USH2A: variants seen among roughly 807,000 people sequenced by gnomAD.
The protein encoded by USH2A is usherin.
Under a neutral mutation model 538.9 loss-of-function variants are expected in USH2A, and 443 were observed. The ratio of observed to expected loss-of-function variants is 0.82; its 90% confidence interval spans 0.76 to 0.89. USH2A has a LOEUF of 0.89. Among genes scored for constraint, USH2A ranks in the 40% least tolerant of loss-of-function variants. The probability of loss-of-function intolerance (pLI) is 0.00; values close to 1 mark genes in which losing one functional copy is unlikely to be tolerated. For synonymous variants in USH2A, 2,413 were observed against 2,273.5 expected, an observed-to-expected ratio of 1.06 and a Z score of -1.75; for missense variants, 6,633 against 6,324.8, an observed-to-expected ratio of 1.05 and a Z score of -1.65.
chr1:216,128,574 C>A (rs932743964), intron 21 of USH2A, among the ~76,000 whole-genome samples: 1 of 152,014 alleles, frequency 6.6e-6, no homozygotes, highest in Non-Finnish European at 1.5e-5. Context: ...TTCTTTTTCT[C>A]GTCAAGTTAA....
chr1:215,654,340 C>T (rs1249532774), intron 64 of USH2A, among the ~76,000 whole-genome samples: 2 of 152,144 alleles, frequency 1.3e-5, no homozygotes, highest in African/African-American at 2.4e-5. Flanking sequence ...CTCTTACAGG[C>T]CCTGGTGTGT....
At chr1:216,270,847 T>C (rs2036560429) in intron 11 of USH2A, among the ~76,000 whole-genome samples, 1 of 152,076 alleles carries the variant, frequency 6.6e-6, no homozygotes, top group Non-Finnish European at 1.5e-5. Flanking sequence ...AGTGCTAGGA[T>C]TACAGGCATG....
At chr1:216,147,295 T>TA (rs573318034) in intron 21 of USH2A, among the ~76,000 whole-genome samples, 409 of 152,200 alleles carry the variant, frequency 2.7e-3, no homozygotes, top group African/African-American at 9.4e-3. Flanking sequence ...ATAATCTTTT[T>TA]ATCACCTCCC....
At chr1:216,087,324 T>TC (rs111391283) in intron 23 of USH2A, among the ~76,000 whole-genome samples, 3,722 of 152,236 alleles carry the variant, frequency 0.024, 158 homozygotes, top group African/African-American at 0.083. Flanking sequence ...ACTTCAGAAC[T>TC]AGACTTGTTT....
chr1:216,020,329 C>T (rs1374369652), intron 32 of USH2A, among the ~76,000 whole-genome samples: 1 of 152,128 alleles, frequency 6.6e-6, no homozygotes, highest in African/African-American at 2.4e-5. Flanking sequence ...AGATAGTTGA[C>T]TTTAAGTAAA....
At chr1:215,862,975 G>T (rs972633723) in intron 44 of USH2A, among the ~76,000 whole-genome samples, 2 of 152,192 alleles carry the variant, frequency 1.3e-5, no homozygotes, top group African/African-American at 4.8e-5. Flanking sequence ...TTGAAACCTT[G>T]AGTATAGATG....
chr1:216,420,482 C>A (rs1312332582), intron 2 of USH2A, among the ~76,000 whole-genome samples: 1 of 151,998 alleles, frequency 6.6e-6, no homozygotes. Context: ...TCCCCCAATT[C>A]CCAAAGGTAT....
At chr1:216,147,359 C>A (rs1312933150) in intron 21 of USH2A, among the ~76,000 whole-genome samples, 2 of 152,136 alleles carry the variant, frequency 1.3e-5, no homozygotes, top group Non-Finnish European at 2.9e-5. Context: ...CCCTCCCCCA[C>A]CTGCCCAGCA....
intron 34 of USH2A, among the ~76,000 whole-genome samples, chr1:215,997,574 A>G (rs1027276806): frequency 6.6e-6 from 1 of 151,966 alleles, no homozygotes; most frequent in Non-Finnish European, 1.5e-5. Context: ...GGTATTATAG[A>G]TTTATAAAAT....
intron 32 of USH2A, among the ~76,000 whole-genome samples, chr1:216,016,165 G>A (rs1668706554): frequency 6.6e-6 from 1 of 150,506 alleles, no homozygotes. Flanking sequence ...GACACAGGGT[G>A]GGGAACATCA....
intron 61 of USH2A, among the ~76,000 whole-genome samples, chr1:215,722,802 C>T (rs148087426): frequency 9.2e-5 from 14 of 152,274 alleles, no homozygotes; most frequent in African/African-American, 2.2e-4. Context: ...CTGGGCTTGA[C>T]GTTTTATAAC....
At chr1:215,709,199 AT>A (rs1173488429) in intron 61 of USH2A, among the ~76,000 whole-genome samples, 10 of 152,182 alleles carry the variant, frequency 6.6e-5, no homozygotes, top group African/African-American at 2.4e-4. Context: ...TTCAGTGTGT[AT>A]TGTGCCTTGA....
chr1:216,092,097 G>A (rs1012446270), intron 22 of USH2A, among the ~76,000 whole-genome samples: 3 of 152,092 alleles, frequency 2.0e-5, no homozygotes, highest in Non-Finnish European at 2.9e-5. Flanking sequence ...AAAGCTAGAC[G>A]TTGTAAGCCA....
intron 32 of USH2A, among the ~76,000 whole-genome samples, chr1:216,022,903 T>C (rs1432938752): frequency 2.0e-5 from 3 of 152,092 alleles, no homozygotes; most frequent in Non-Finnish European, 4.4e-5. Context: ...CTTATGCCCA[T>C]AGATGATGGT....
At chr1:216,009,810 C>T (rs1034522187) in intron 32 of USH2A, among the ~76,000 whole-genome samples, 1 of 152,112 alleles carries the variant, frequency 6.6e-6, no homozygotes, top group African/African-American at 2.4e-5. Context: ...CATGACTAGC[C>T]CTCCCCAACC....
chr1:215,918,733 T>C (rs568971852), intron 38 of USH2A, among the ~76,000 whole-genome samples: 1 of 152,222 alleles, frequency 6.6e-6, no homozygotes, highest in African/African-American at 2.4e-5. Flanking sequence ...ACCTTATAAG[T>C]AGTAGAGTTA....
intron 27 of USH2A, among the ~76,000 whole-genome samples, chr1:216,074,736 A>T (rs1170215291): frequency 6.6e-6 from 1 of 152,224 alleles, no homozygotes; most frequent in Non-Finnish European, 1.5e-5. Flanking sequence ...TAATGTATTT[A>T]TCAGTAGTAA....
chr1:216,312,924 G>A (rs1478874027), intron 9 of USH2A, among the ~76,000 whole-genome samples: 1 of 152,100 alleles, frequency 6.6e-6, no homozygotes, highest in Non-Finnish European at 1.5e-5. Context: ...AGGGAACTCT[G>A]GCAAACAGGC....
chr1:216,052,563 T>C (rs2030826515), intron 30 of USH2A, among the ~76,000 whole-genome samples: 1 of 152,146 alleles, frequency 6.6e-6, no homozygotes, highest in Non-Finnish European at 1.5e-5. Flanking sequence ...GAGACAAAGT[T>C]TGTCAAACCA....
Sources: gnomAD v4.1 joint callset for allele counts (sites outside exome capture counted in the v4.1 genomes callset) on GRCh38, gnomAD v4.1.1 for gene constraint, MANE v1.5 for transcripts, NCBI Gene and HGNC (gene_info 2026-07-23, HGNC 2026-07-21) for gene names.